The following USP24 variants were observed in gnomAD, a reference collection of about 807,000 sequenced individuals.
USP24 encodes ubiquitin carboxyl-terminal hydrolase 24.
USP24 carries 97 observed loss-of-function variants against 361.6 expected under a neutral mutation model. That is an observed-to-expected ratio of 0.27 (90% CI 0.23 to 0.32). The LOEUF is 0.32. Ranked by LOEUF, USP24 falls within the 10% of genes least tolerant of loss-of-function variation. The probability of loss-of-function intolerance (pLI) is 1.00; values close to 1 mark genes in which losing one functional copy is unlikely to be tolerated. For synonymous variants in USP24, 1,098 were observed against 1,124.6 expected (o/e 0.98, Z 0.47); for missense variants, 2,353 against 3,165.6 (o/e 0.74, Z 6.16).
Position 55,081,370 on chromosome 1 carries a change from C to T in USP24, c.7030G>A (p.Val2344Met), listed in dbSNP as rs746935060. 6.2e-7 allele frequency: 1 copy of T among 1,613,736 alleles called. No homozygotes were observed. Among genetic ancestry groups the T allele is most frequent in the South Asian group, 1.1e-5 (1 of 91,076 alleles). The change falls in exon 59 of 68, where the codon GTG becomes ATG. Residue 2344 changes from valine (V) to methionine (M), a missense_variant. Val to Met is a conservative substitution (Grantham distance 21). Coordinates refer to ENST00000294383, the MANE Select transcript of USP24 (RefSeq NM_015306.3). ...AREFGNLHNTVALLVLHSDVS... is the reference protein window; with the variant it reads ...AREFGNLHNTMALLVLHSDVS... ...TCTGAATGCAAAACAAGTAACGCCA[C>T]TGTATTGTGAAGATTCCCAAATTCT... is the stretch of plus-strand genomic sequence containing the variant.
At chr1:55,208,684 T>C (rs974095517) in intron 1 of USP24, among the ~76,000 whole-genome samples, 1 of 150,036 alleles carries the variant, frequency 6.7e-6, no homozygotes, top group African/African-American at 2.5e-5. Flanking sequence ...ACGGCTGTAA[T>C]CCCAGCACTC....
chr1:55,152,014 T>C (rs1647209405), intron 16 of USP24: 5 of 984,820 alleles, frequency 5.1e-6, no homozygotes, highest in Non-Finnish European at 6.0e-6. Flanking sequence ...ACACCTTTAG[T>C]GGAAGTAAAT....
intron 1 of USP24, among the ~76,000 whole-genome samples, chr1:55,185,306 T>C (rs1447773749): frequency 6.6e-6 from 1 of 151,556 alleles, no homozygotes; most frequent in African/African-American, 2.4e-5. Context: ...AAGAAAGATT[T>C]CAAATCAACA....
intron 51 of USP24, 36 bp from the exon 52 acceptor site, chr1:55,094,123 A>C (rs1048132189): frequency 1.3e-6 from 2 of 1,571,090 alleles, no homozygotes; most frequent in African/African-American, 2.7e-5. Context: ...GTCTAGTATA[A>C]AGTGGCTATT....
intron 1 of USP24, among the ~76,000 whole-genome samples, chr1:55,188,915 G>A (rs1268120203): frequency 2.2e-5 from 3 of 138,398 alleles, no homozygotes; most frequent in Non-Finnish European, 4.5e-5. Context: ...AGCAGAGATC[G>A]CGCCACCCAT....
In USP24 at chr1:55,215,168, G is replaced by A; in HGVS notation, c.-55C>T. ...CGCACGGCGAAGCTACGGGTCCCGG[G>A]CCTGGCGGGCCGCGCGGCGCACCCT... On this transcript the variant is annotated 5_prime_UTR_variant, in exon 1 of 68. Transcript: ENST00000294383. 1 of 1,197,164 alleles carries A rather than the reference G, an allele frequency of 8.4e-7. No individual in the cohort carries two copies. The highest frequency in any genetic ancestry group is 1.0e-6 in the Non-Finnish European group (1 of 963,212). The allele number at this position is 1,197,164 out of a possible 1,614,324, so 74.2% of individuals were successfully genotyped here.
At chr1:55,199,618 T>TGA (rs771516226) in intron 1 of USP24, among the ~76,000 whole-genome samples, 81 of 105,420 alleles carry the variant, frequency 7.7e-4, no homozygotes, top group African/African-American at 1.3e-3. Context: ...TGTGTGTGTG[T>TGA]GTGTGAGAGA....
At chr1:55,149,933 ACAGT>A (rs1191011511) in intron 16 of USP24, among the ~76,000 whole-genome samples, 1 of 152,214 alleles carries the variant, frequency 6.6e-6, no homozygotes, top group Non-Finnish European at 1.5e-5. Flanking sequence ...TTAAAATAAA[ACAGT>A]CAGTGGTCTC....
rs1049989705 is a variant in USP24 at position 55,154,722 on chromosome 1, A to C, written c.1503T>G (p.Ala501=). The C allele has an allele frequency of 6.2e-7, 1 of 1,613,554 alleles. No homozygotes were observed. Among genetic ancestry groups the C allele is most frequent in the Admixed American group, 1.7e-5 (1 of 59,976 alleles). The part of the protein sequence containing the change: ...ENIHTIIAAA[A]VKFNSDQLNH... ...TAAGCTGATCTGAATTAAATTTCAC[A>C]GCCGCTGCAGCAATAATAGTATGAA... Residue 501 remains alanine, a synonymous_variant, in exon 13 of 68, where the codon GCT becomes GCG. Coordinates refer to ENST00000294383, the MANE Select transcript of USP24 (RefSeq NM_015306.3).
intron 60 of USP24, among the ~76,000 whole-genome samples, chr1:55,079,005 A>C (rs942640380): frequency 2.0e-5 from 3 of 152,194 alleles, no homozygotes; most frequent in Admixed American, 6.5e-5. Flanking sequence ...TAAAAAAAAA[A>C]ACCAGAATTA....
rs370973407 is a variant in USP24 at position 55,110,123 on chromosome 1, G to A, written c.4570+62C>T. On this transcript the variant is annotated intron_variant, in intron 39 of 67. Coordinates refer to ENST00000294383, the MANE Select transcript of USP24 (RefSeq NM_015306.3). ...ATGTAAATCATATTTAGAAATGTCCGTGTGACTTTCTCTTCTACTCTTCCC... is the reference window on the plus strand; with the variant it reads ...ATGTAAATCATATTTAGAAATGTCCATGTGACTTTCTCTTCTACTCTTCCC... The A allele has an allele frequency of 3.6e-5, 47 of 1,307,984 alleles. No homozygotes were observed. In the Middle Eastern group the frequency reaches 7.4e-4, roughly 21 times the overall value. The allele number at this position is 1,307,984 out of a possible 1,614,324, so 81.0% of individuals were successfully genotyped here. A position where few individuals can be genotyped will look rare whatever the true frequency, so the allele number is the denominator to read the frequency against.
intron 7 of USP24, among the ~76,000 whole-genome samples, chr1:55,162,619 C>T (rs1386845216): frequency 6.6e-6 from 1 of 152,020 alleles, no homozygotes; most frequent in Non-Finnish European, 1.5e-5. Context: ...ACACTGAAGG[C>T]TTACTTGAAG....
rs145138063 is a variant in USP24, at chr1:55,079,754, C to T, written c.7079-95G>A. ...AAGAAAATGTGCCTCCTTCAAGACT[C>T]GCACACACACTGAGTACTCTCACAG... On this transcript the variant is annotated intron_variant, in intron 59 of 67. Transcript: ENST00000294383. 2,132 of 1,191,604 alleles carry T rather than the reference C, an allele frequency of 1.8e-3. 23 individuals are homozygous for T. In the African/African-American group the frequency reaches 0.029, roughly 16 times the overall value. The allele number at this position is 1,191,604 out of a possible 1,614,324, so 73.8% of individuals were successfully genotyped here. A position where few individuals can be genotyped will look rare whatever the true frequency, so the allele number is the denominator to read the frequency against.
chr1:55,135,590 T>C lies in USP24; in HGVS notation c.3202-1177A>G, dbSNP rs1263707473. The stretch of plus-strand genomic sequence containing the variant: ...CATCCTCAAGATATCTCATTATGTA[T>C]ATGCAAATATTCTAAAATCCTAAAG... On this transcript the variant is annotated intron_variant, in intron 28 of 67. Coordinates refer to ENST00000294383, the MANE Select transcript of USP24 (RefSeq NM_015306.3). Among the ~76,000 whole-genome samples, 5 of 152,212 alleles carry C rather than the reference T, an allele frequency of 3.3e-5. No individual in the cohort carries two copies. The East Asian group carries it at 9.6e-4, about 29-fold the overall frequency.
chr1:55,202,049 C>T (rs1023124500), intron 1 of USP24, among the ~76,000 whole-genome samples: 4 of 152,110 alleles, frequency 2.6e-5, no homozygotes, highest in African/African-American at 7.2e-5. Flanking sequence ...AATGCACGTG[C>T]ACAGGCAAGG....
chr1:55,071,565 G>A (rs1409986499), intron 67 of USP24: 2 of 1,305,852 alleles, frequency 1.5e-6, no homozygotes, highest in Admixed American at 3.2e-5. Flanking sequence ...CTACCTGCAG[G>A]CTGATCAGGG....
chr1:55,162,101 C>T lies in USP24; in HGVS notation c.993+98G>A, dbSNP rs1466828137. 5.5e-6 allele frequency: 6 copies of T among 1,096,280 alleles called. No homozygotes were observed. In the East Asian group the frequency reaches 1.5e-4, roughly 28 times the overall value. The allele number at this position is 1,096,280 out of a possible 1,614,324, so 67.9% of individuals were successfully genotyped here. ...AGCTAATGTGAAAAAAGGAGTTACTCTGGATTAAAGACCACTCTGAATAAC... is the reference window on the plus strand; with the variant it reads ...AGCTAATGTGAAAAAAGGAGTTACTTTGGATTAAAGACCACTCTGAATAAC... On this transcript the variant is annotated intron_variant, in intron 8 of 67. Coordinates refer to ENST00000294383, the MANE Select transcript of USP24 (RefSeq NM_015306.3).
At chr1:55,105,032 T>C (rs1306718930) in intron 41 of USP24, among the ~76,000 whole-genome samples, 2 of 152,164 alleles carry the variant, frequency 1.3e-5, no homozygotes, top group African/African-American at 2.4e-5. Context: ...TTCAGTACAA[T>C]GGGGAGGGAT....
intron 26 of USP24, 31 bp from the exon 27 acceptor site, chr1:55,137,935 G>C: frequency 6.5e-7 from 1 of 1,541,588 alleles, no homozygotes. Flanking sequence ...CGTTGTGAGA[G>C]AATTCATTTA....
Sources: allele counts gnomAD v4.1 joint callset (sites outside exome capture counted in the v4.1 genomes callset), GRCh38; gene constraint gnomAD v4.1.1; transcripts MANE v1.5; gene names NCBI Gene and HGNC (gene_info 2026-07-23, HGNC 2026-07-21).